Variants in UGT1A10 observed in about 807,000 individuals in gnomAD.
UGT1A10 encodes the protein UDP glucuronosyltransferase family 1 member A10.
In UGT1A10, 49 loss-of-function variants were observed where a neutral mutation model predicts 45.8. That is an observed-to-expected ratio of 1.07 (90% CI 0.85 to 1.36). The LOEUF (loss-of-function observed/expected upper bound fraction) is 1.36, where lower values mean the gene tolerates loss of function less well. Among genes scored for constraint, UGT1A10 ranks in the 40% most tolerant of loss-of-function variants. UGT1A10 has a pLI of 0.00. For synonymous variants in UGT1A10, 284 were observed against 249.7 expected (o/e 1.14, Z -1.29); for missense variants, 745 against 668.6 (o/e 1.11, Z -1.26).
chr2:233,699,401 A>C (rs1224961959), intron 1 of UGT1A10, among the ~76,000 whole-genome samples: 1 of 152,198 alleles, frequency 6.6e-6, no homozygotes, highest in African/African-American at 2.4e-5. Context: ...TTAGAAGAGA[A>C]TTTAGCTTTG....
rs1254304358 is a variant in UGT1A10 at position 233,743,239 on chromosome 2, C to G, written c.856-23795C>G. The stretch of plus-strand genomic sequence containing the variant: ...GCTCTTTGCTATTTATTATGAAGGA[C>G]TTTAACTCAACTCTCCATCTTCCTC... On this transcript the variant is annotated intron_variant, in intron 1 of 4. Coordinates refer to ENST00000344644, the MANE Select transcript of UGT1A10 (RefSeq NM_019075.4). The G allele has an allele frequency of 1.4e-5, 6 of 424,156 alleles. No individual in the cohort carries two copies. The East Asian group carries it at 4.3e-4, about 30-fold the overall frequency. 26.3% of individuals were successfully genotyped at this position (424,156 alleles called of 1,614,324 possible).
chr2:233,712,815 C>G (rs2076256798), intron 1 of UGT1A10, among the ~76,000 whole-genome samples: 1 of 152,128 alleles, frequency 6.6e-6, no homozygotes, highest in Admixed American at 6.5e-5. Context: ...AGGGTGGGGC[C>G]CATAATGCAA....
intron 1 of UGT1A10, 106 bp from the exon 2 acceptor site, chr2:233,766,928 C>T (rs1699282359): frequency 1.3e-6 from 2 of 1,578,030 alleles, no homozygotes; most frequent in East Asian, 4.5e-5. Flanking sequence ...ACACGCATGC[C>T]TTTAATCATA....
At chr2:233,676,653 C>T (rs1302498831) in intron 1 of UGT1A10, among the ~76,000 whole-genome samples, 1 of 152,156 alleles carries the variant, frequency 6.6e-6, no homozygotes, top group Non-Finnish European at 1.5e-5. Context: ...TTTTTAGTGA[C>T]TTGGGCAGTT....
At position 233,747,384 on chromosome 2, in the gene UGT1A10, G is replaced by A. The variant is rs1693657015; in HGVS notation, c.856-19650G>A. The A allele has an allele frequency of 7.5e-6, 12 of 1,605,260 alleles. No individual in the cohort carries two copies. In the South Asian group the frequency reaches 1.2e-4, roughly 16 times the overall value. ...GGAGCTCCATGCCAGAGGCCACCAGGCGGTGGTCCTCACCCCAGAGGTGAA... is the reference window on the plus strand; with the variant it reads ...GGAGCTCCATGCCAGAGGCCACCAGACGGTGGTCCTCACCCCAGAGGTGAA... On this transcript the variant is annotated intron_variant, in intron 1 of 4. Transcript: ENST00000344644.
intron 2 of UGT1A10, among the ~76,000 whole-genome samples, chr2:233,767,385 C>T (rs930276020): frequency 1.6e-4 from 25 of 152,084 alleles, no homozygotes; most frequent in African/African-American, 5.8e-4. Context: ...CCACCACACT[C>T]AGAAGTATCA....
intron 1 of UGT1A10, among the ~76,000 whole-genome samples, chr2:233,721,302 G>A (rs541150498): frequency 1.8e-4 from 27 of 152,234 alleles, no homozygotes; most frequent in African/African-American, 6.5e-4. Flanking sequence ...CATTTGAATA[G>A]TGATTGTGGC....
At chr2:233,738,529 A>G (rs1383931470) in intron 1 of UGT1A10, among the ~76,000 whole-genome samples, 2 of 152,226 alleles carry the variant, frequency 1.3e-5, no homozygotes, top group African/African-American at 4.8e-5. Context: ...TGGACAATGA[A>G]GTCCAGGCTG....
At chr2:233,755,509 C>G (rs143373661) in intron 1 of UGT1A10, 6,563 of 166,164 alleles carry the variant, frequency 0.039, 278 homozygotes, top group Middle Eastern at 0.048. Flanking sequence ...GACCAGGCCC[C>G]GCCCACTCCG....
chr2:233,699,373 A>G (rs28898581), intron 1 of UGT1A10, among the ~76,000 whole-genome samples: 1,596 of 152,294 alleles, frequency 0.01, 34 homozygotes, highest in African/African-American at 0.036. Flanking sequence ...GTATGGCTAG[A>G]TTTCAAATAT....
intron 1 of UGT1A10, among the ~76,000 whole-genome samples, chr2:233,646,722 A>G (rs940739808): frequency 1.3e-5 from 2 of 152,172 alleles, no homozygotes; most frequent in African/African-American, 4.8e-5. Flanking sequence ...CCATATTGCT[A>G]TCAGCATTTT....
intron 1 of UGT1A10, among the ~76,000 whole-genome samples, chr2:233,688,937 A>G (rs2074920276): frequency 6.6e-6 from 1 of 152,204 alleles, no homozygotes; most frequent in South Asian, 2.1e-4. Flanking sequence ...TGGCAGGTGC[A>G]GCATGAAGCC....
intron 1 of UGT1A10, among the ~76,000 whole-genome samples, chr2:233,707,432 T>G (rs1189246042): frequency 6.6e-6 from 1 of 152,200 alleles, no homozygotes; most frequent in African/African-American, 2.4e-5. Context: ...TCTTTGCTTT[T>G]CTTTACAATT....
intron 1 of UGT1A10, chr2:233,671,915 C>G (rs2074202240): frequency 1.9e-6 from 3 of 1,586,444 alleles, no homozygotes; most frequent in Non-Finnish European, 2.6e-6. Context: ...CAGCTGCTTG[C>G]TCTCAGCTGC....
chr2:233,728,225 C>T (rs2077691607), intron 1 of UGT1A10, among the ~76,000 whole-genome samples: 1 of 152,206 alleles, frequency 6.6e-6, no homozygotes, highest in Non-Finnish European at 1.5e-5. Flanking sequence ...TGACCATAAT[C>T]TTCAGGATGA....
At chr2:233,705,373 G>A (rs1270805746) in intron 1 of UGT1A10, among the ~76,000 whole-genome samples, 3 of 152,052 alleles carry the variant, frequency 2.0e-5, no homozygotes, top group African/African-American at 7.2e-5. Flanking sequence ...CTTTTATTTT[G>A]TTTGTGCCTT....
intron 4 of UGT1A10, among the ~76,000 whole-genome samples, chr2:233,771,801 TC>T (rs1700390551): frequency 9.1e-6 from 1 of 110,270 alleles, no homozygotes; most frequent in Non-Finnish European, 1.8e-5. Flanking sequence ...CCTCCCTCCC[TC>T]CCTTCCTCCT....
At position 233,663,873 on chromosome 2, in the gene UGT1A10, A is replaced by G. The variant is rs116323695; in HGVS notation, c.855+26496A>G. Reference sequence around the variant, plus strand: ...TTTGCAACCACCATTCCTCTTTTTGATTCTATGAATTTCTCTATTTTAGAT... The same window carrying G: ...TTTGCAACCACCATTCCTCTTTTTGGTTCTATGAATTTCTCTATTTTAGAT... On this transcript the variant is annotated intron_variant, in intron 1 of 4. Transcript: ENST00000344644. 5.2e-3 allele frequency among the ~76,000 whole-genome samples: 784 copies of G among 152,186 alleles called. 2 individuals are homozygous for G. Among genetic ancestry groups the G allele is most frequent in the Non-Finnish European group, 8.7e-3 (592 of 67,992 alleles).
At chr2:233,678,562 A>G (rs11692664) in intron 1 of UGT1A10, among the ~76,000 whole-genome samples, 45,659 of 152,048 alleles carry the variant, frequency 0.3, 7,185 homozygotes, top group South Asian at 0.4. Flanking sequence ...TTTATACAGT[A>G]CTAATCCTTC....
Sources: gnomAD v4.1 joint callset for allele counts (sites outside exome capture counted in the v4.1 genomes callset) on GRCh38, gnomAD v4.1.1 for gene constraint, MANE v1.5 for transcripts, NCBI Gene and HGNC (gene_info 2026-07-23, HGNC 2026-07-21) for gene names.